The following RNGTT variants were observed in gnomAD, a reference collection of about 807,000 sequenced individuals.
RNGTT encodes mRNA-capping enzyme.
Under a neutral mutation model 79.3 loss-of-function variants are expected in RNGTT, and 33 were observed. The observed-to-expected ratio is 0.42, with a 90% CI of 0.32 to 0.56. RNGTT has a LOEUF of 0.56. Among genes scored for constraint, RNGTT ranks in the 20% least tolerant of loss-of-function variants. The pLI is 0.17. For missense variants in RNGTT, 497 were observed against 739.1 expected (o/e 0.67, Z 3.80); for synonymous variants, 222 against 235.9 (o/e 0.94, Z 0.54).
chr6:88,833,433 G>T (rs1167432497), intron 11 of RNGTT, among the ~76,000 whole-genome samples: 5 of 152,124 alleles, frequency 3.3e-5, no homozygotes, highest in Non-Finnish European at 7.4e-5. Flanking sequence ...GGGGTTGGGG[G>T]CTATGGGAGG....
chr6:88,767,998 A>G (rs932814904), intron 13 of RNGTT, among the ~76,000 whole-genome samples: 8 of 152,108 alleles, frequency 5.3e-5, no homozygotes, highest in African/African-American at 9.7e-5. Flanking sequence ...AGCTATTCCT[A>G]TAGCCTCAAA....
intron 11 of RNGTT, among the ~76,000 whole-genome samples, chr6:88,809,269 G>A (rs1186246787): frequency 6.6e-6 from 1 of 151,806 alleles, no homozygotes; most frequent in African/African-American, 2.4e-5. Flanking sequence ...AAATAGTGGG[G>A]AAATCCTCAA....
intron 10 of RNGTT, 127 bp from the exon 11 acceptor site, chr6:88,844,648 A>C: frequency 2.5e-6 from 2 of 797,308 alleles, no homozygotes; most frequent in Non-Finnish European, 3.9e-6. Context: ...TTCAGTGCAC[A>C]GCGTGCACAA....
intron 11 of RNGTT, among the ~76,000 whole-genome samples, chr6:88,816,897 C>T (rs575709952): frequency 1.3e-5 from 2 of 152,110 alleles, no homozygotes; most frequent in Admixed American, 6.6e-5. Context: ...ACACAGGGGG[C>T]ACACAGGCTG....
chr6:88,765,952 C>T (rs1778446175), intron 13 of RNGTT, among the ~76,000 whole-genome samples: 1 of 152,114 alleles, frequency 6.6e-6, no homozygotes. Context: ...AAATGATTCA[C>T]ACAGAAAGTT....
chr6:88,837,651 T>A (rs1420879956), intron 11 of RNGTT, among the ~76,000 whole-genome samples: 2 of 151,932 alleles, frequency 1.3e-5, no homozygotes, highest in African/African-American at 4.8e-5. Flanking sequence ...AATGAGAGAA[T>A]GATTCAACAT....
chr6:88,792,515 A>G (rs971187473), intron 12 of RNGTT, among the ~76,000 whole-genome samples: 2 of 152,242 alleles, frequency 1.3e-5, no homozygotes, highest in Non-Finnish European at 2.9e-5. Context: ...ATTATTAGAA[A>G]AATGTGTCTT....
chr6:88,963,263 C>A (rs1785705733), intron 1 of RNGTT, 83 bp downstream of exon 1: 2 of 1,417,986 alleles, frequency 1.4e-6, no homozygotes, highest in Admixed American at 1.7e-5. Context: ...GGGCACAGAA[C>A]CACCAAAAGC....
intron 10 of RNGTT, among the ~76,000 whole-genome samples, chr6:88,846,633 G>A (rs763728806): frequency 3.9e-5 from 6 of 151,976 alleles, no homozygotes; most frequent in African/African-American, 7.2e-5. Context: ...AGTGGCACAC[G>A]CCTGTGGTCC....
chr6:88,875,348 T>A (rs574691721), intron 8 of RNGTT, among the ~76,000 whole-genome samples: 2 of 152,208 alleles, frequency 1.3e-5, no homozygotes, highest in Non-Finnish European at 2.9e-5. Flanking sequence ...TAATATTGAT[T>A]ATCCCAAGGG....
intron 6 of RNGTT, among the ~76,000 whole-genome samples, chr6:88,901,022 A>G (rs949691328): frequency 4.5e-4 from 68 of 150,930 alleles, no homozygotes; most frequent in African/African-American, 1.7e-3. Context: ...CACACCTGTA[A>G]TCCTAGCTAC....
intron 2 of RNGTT, among the ~76,000 whole-genome samples, chr6:88,935,426 G>T (rs1473712550): frequency 1.3e-5 from 2 of 152,088 alleles, no homozygotes; most frequent in Non-Finnish European, 2.9e-5. Context: ...AAAATGTTAG[G>T]ATTCAGGTGG....
intron 8 of RNGTT, among the ~76,000 whole-genome samples, chr6:88,879,329 G>A (rs751339416): frequency 2.0e-5 from 3 of 152,180 alleles, no homozygotes; most frequent in Non-Finnish European, 4.4e-5. Context: ...AGGAGGCAGA[G>A]GTTGCAGTGA....
chr6:88,824,211 T>G (rs1446937470), intron 11 of RNGTT, among the ~76,000 whole-genome samples: 1 of 152,222 alleles, frequency 6.6e-6, no homozygotes, highest in Non-Finnish European at 1.5e-5. Flanking sequence ...CGACTGCTCT[T>G]ACACAAACCT....
intron 1 of RNGTT, 26 bp from the exon 2 acceptor site, chr6:88,941,206 T>A (rs1472931117): frequency 7.6e-7 from 1 of 1,324,396 alleles, no homozygotes; most frequent in Non-Finnish European, 1.1e-6. Flanking sequence ...AGGTAATCAT[T>A]TCCATAAAAG....
chr6:88,695,160 A>G (rs1775618093), intron 13 of RNGTT, among the ~76,000 whole-genome samples: 1 of 152,330 alleles, frequency 6.6e-6, no homozygotes, highest in South Asian at 2.1e-4. Flanking sequence ...GCAAAAATAG[A>G]CAAATGGATT....
intron 11 of RNGTT, among the ~76,000 whole-genome samples, chr6:88,824,646 T>C (rs180859997): frequency 6.6e-6 from 1 of 152,180 alleles, no homozygotes. Context: ...CATTTTCATC[T>C]TATAGAAAGT....
At chr6:88,767,996 C>T (rs1342996066) in intron 13 of RNGTT, among the ~76,000 whole-genome samples, 1 of 152,074 alleles carries the variant, frequency 6.6e-6, no homozygotes. Context: ...CCAGCTATTC[C>T]TATAGCCTCA....
At chr6:88,729,106 G>A (rs563525972) in intron 13 of RNGTT, among the ~76,000 whole-genome samples, 48 of 152,254 alleles carry the variant, frequency 3.2e-4, no homozygotes, top group African/African-American at 1.0e-3. Flanking sequence ...GACACCCTGC[G>A]GGTCAGCCCT....
Sources: allele counts gnomAD v4.1 joint callset (sites outside exome capture counted in the v4.1 genomes callset), GRCh38; gene constraint gnomAD v4.1.1; transcripts MANE v1.5; gene names NCBI Gene and HGNC (gene_info 2026-07-23, HGNC 2026-07-21).